PCDH9: variants seen among roughly 807,000 people sequenced by gnomAD.
The protein encoded by PCDH9 is protocadherin-9.
A neutral mutation model predicts 70.6 loss-of-function variants in PCDH9; 24 were observed. That is an observed-to-expected ratio of 0.34 (90% CI 0.25 to 0.48). PCDH9 has a LOEUF of 0.48. PCDH9 is among the 20% of genes least tolerant of loss of function. The pLI, the probability that PCDH9 is intolerant of heterozygous loss-of-function variation, is 0.99. For synonymous variants in PCDH9, 562 were observed against 558.5 expected, an observed-to-expected ratio of 1.01 and a Z score of -0.09; for missense variants, 1,281 against 1,503.6, an observed-to-expected ratio of 0.85 and a Z score of 2.45.
chr13:66,587,080 G>T (rs1414538023), intron 4 of PCDH9, among the ~76,000 whole-genome samples: 1 of 152,048 alleles, frequency 6.6e-6, no homozygotes, highest in Admixed American at 6.6e-5. Flanking sequence ...AAGATCACTT[G>T]AGCCCATGAG....
intron 3 of PCDH9, among the ~76,000 whole-genome samples, chr13:66,893,130 T>C (rs564778893): frequency 9.5e-4 from 144 of 152,286 alleles, no homozygotes; most frequent in Non-Finnish European, 1.6e-3. Context: ...ATTAATTAAC[T>C]TTAAGTTTGT....
intron 2 of PCDH9, among the ~76,000 whole-genome samples, chr13:67,112,756 C>T (rs1023576279): frequency 1.1e-4 from 16 of 150,914 alleles, no homozygotes; most frequent in Non-Finnish European, 8.8e-5. Flanking sequence ...CTCACTCTGT[C>T]GCCCAGCCTG....
At chr13:66,454,986 C>T (rs1199154138) in intron 4 of PCDH9, among the ~76,000 whole-genome samples, 1 of 151,918 alleles carries the variant, frequency 6.6e-6, no homozygotes, top group Non-Finnish European at 1.5e-5. Flanking sequence ...TGTAGGAAAG[C>T]ATTTTATAAA....
chr13:66,906,096 A>G lies in PCDH9; in HGVS notation c.3037-2491T>C, dbSNP rs555134469. On this transcript the variant is annotated intron_variant, in intron 2 of 4. Coordinates refer to ENST00000377865, the MANE Select transcript of PCDH9 (RefSeq NM_203487.3). ...TCTCACTCTAGCCCTGAAACAATAC[A>G]TGAAAATAAATAACCACCATGATGA... Among the ~76,000 whole-genome samples, 7 of 152,334 alleles carry G rather than the reference A, an allele frequency of 4.6e-5. No individual in the cohort carries two copies. In the East Asian group the frequency reaches 1.4e-3, roughly 29 times the overall value.
intron 2 of PCDH9, among the ~76,000 whole-genome samples, chr13:66,980,730 GT>G: frequency 1.4e-5 from 1 of 70,868 alleles, no homozygotes; most frequent in African/African-American, 5.3e-5. Flanking sequence ...TTTTTTCTTT[GT>G]TTTTTTTTTT....
chr13:66,544,354 A>C (rs985911213), intron 4 of PCDH9, among the ~76,000 whole-genome samples: 34 of 152,264 alleles, frequency 2.2e-4, no homozygotes, highest in African/African-American at 7.5e-4. Context: ...TACCAAACAT[A>C]CTCAATTAAC....
At chr13:67,182,676 A>T (rs1304128533) in intron 2 of PCDH9, among the ~76,000 whole-genome samples, 1 of 152,176 alleles carries the variant, frequency 6.6e-6, no homozygotes, top group Non-Finnish European at 1.5e-5. Context: ...AAAAATTTAC[A>T]CTGACAGTAA....
intron 4 of PCDH9, among the ~76,000 whole-genome samples, chr13:66,592,635 T>C (rs1226095767): frequency 6.6e-6 from 1 of 151,754 alleles, no homozygotes; most frequent in African/African-American, 2.4e-5. Context: ...TCCAGATACA[T>C]GTGTTTTTTA....
intron 2 of PCDH9, among the ~76,000 whole-genome samples, chr13:67,068,104 TAACTA>T (rs2085686889): frequency 6.6e-6 from 1 of 152,120 alleles, no homozygotes; most frequent in African/African-American, 2.4e-5. Context: ...AAATGCTTTC[TAACTA>T]TACAGGGTAA....
intron 3 of PCDH9, among the ~76,000 whole-genome samples, chr13:66,841,155 A>G (rs1326505674): frequency 1.3e-5 from 2 of 152,244 alleles, no homozygotes; most frequent in Admixed American, 6.5e-5. Context: ...AAATTTATTA[A>G]AAGACAGATA....
At chr13:66,392,843 T>G (rs1472478271) in intron 4 of PCDH9, among the ~76,000 whole-genome samples, 2 of 152,016 alleles carry the variant, frequency 1.3e-5, no homozygotes. Context: ...GCATATTGCT[T>G]TTATTTTCAA....
chr13:66,832,137 A>T (rs931092613), intron 3 of PCDH9, among the ~76,000 whole-genome samples: 9 of 152,146 alleles, frequency 5.9e-5, no homozygotes, highest in Admixed American at 6.5e-5. Context: ...ACCAGGGAAC[A>T]TTGCTAGCTG....
chr13:66,849,517 T>C (rs4884706), intron 3 of PCDH9, among the ~76,000 whole-genome samples: 2 of 63,582 alleles, frequency 3.1e-5, no homozygotes, highest in Non-Finnish European at 5.2e-5. Flanking sequence ...TATATATATA[T>C]AGAGAGAGAG....
chr13:66,843,710 T>C (rs1186077323), intron 3 of PCDH9, among the ~76,000 whole-genome samples: 1 of 152,210 alleles, frequency 6.6e-6, no homozygotes, highest in East Asian at 1.9e-4. Context: ...TGGAGAAGAC[T>C]GCATGCTGAG....
At chr13:67,037,254 T>C (rs989310935) in intron 2 of PCDH9, among the ~76,000 whole-genome samples, 1 of 152,214 alleles carries the variant, frequency 6.6e-6, no homozygotes, top group African/African-American at 2.4e-5. Context: ...GGAACTGTTC[T>C]TTATCAGTGT....
intron 4 of PCDH9, among the ~76,000 whole-genome samples, chr13:66,608,174 GTA>G (rs373644018): frequency 0.14 from 20,838 of 150,666 alleles, 1,694 homozygotes; most frequent in Middle Eastern, 0.22. Context: ...GTGTGTGTGT[GTA>G]TATATAGGTA....
chr13:66,512,747 A>G (rs1458152454), intron 4 of PCDH9, among the ~76,000 whole-genome samples: 1 of 152,202 alleles, frequency 6.6e-6, no homozygotes, highest in East Asian at 1.9e-4. Context: ...CAAACTGTAG[A>G]ACTATTAACT....
chr13:66,340,478 A>T (rs1336594734), intron 4 of PCDH9, among the ~76,000 whole-genome samples: 1 of 152,218 alleles, frequency 6.6e-6, no homozygotes, highest in East Asian at 1.9e-4. Flanking sequence ...AATCGCAAAC[A>T]AAACTGAGTT....
chr13:66,643,913 CAT>C (rs942419601), intron 3 of PCDH9, among the ~76,000 whole-genome samples: 5 of 151,938 alleles, frequency 3.3e-5, no homozygotes, highest in Admixed American at 6.6e-5. Context: ...CCAAATAAAA[CAT>C]GTACAAAATT....
Sources: allele counts gnomAD v4.1 joint callset (sites outside exome capture counted in the v4.1 genomes callset), GRCh38; gene constraint gnomAD v4.1.1; transcripts MANE v1.5; gene names NCBI Gene and HGNC (gene_info 2026-07-23, HGNC 2026-07-21).